CTBP1: variants seen among roughly 807,000 people sequenced by gnomAD.
CTBP1 encodes C-terminal binding protein 1.
A neutral mutation model predicts 42.1 loss-of-function variants in CTBP1; 11 were observed. The ratio of observed to expected loss-of-function variants is 0.26; its 90% CI spans 0.16 to 0.43. The LOEUF is 0.43. CTBP1 is among the 20% of genes least tolerant of loss of function. The probability of loss-of-function intolerance (pLI) is 1.00; values close to 1 mark genes in which losing one functional copy is unlikely to be tolerated. For synonymous variants in CTBP1, 324 were observed against 277.1 expected (o/e 1.17, Z -1.68); for missense variants, 399 against 624.3 (o/e 0.64, Z 3.85).
intron 1 of CTBP1, chr4:1,243,959 T>C (rs929387957): frequency 2.0e-6 from 2 of 985,316 alleles, no homozygotes; most frequent in South Asian, 4.7e-5. Context: ...GAAGTGAGTG[T>C]AGAGCACATG....
chr4:1,212,213 C>T lies in CTBP1; in HGVS notation c.*27G>A, dbSNP rs371763271. The T allele has an allele frequency of 1.2e-5, 17 of 1,413,514 alleles. No individual in the cohort carries two copies. The highest frequency in any genetic ancestry group is 6.0e-5 in the East Asian group (2 of 33,328). The allele number at this position is 1,413,514 out of a possible 1,614,324, so 87.6% of individuals were successfully genotyped here. A position where few individuals can be genotyped will look rare whatever the true frequency, so the allele number is the denominator to read the frequency against. The stretch of plus-strand genomic sequence containing the variant: ...AGGGTTTCCGGGCCCTCTGCCCAGG[C>T]GCCGAGGCTGGAGAGCTCCTCCCGG... On this transcript the variant is annotated 3_prime_UTR_variant, in exon 10 of 10. Transcript: ENST00000382952.
intron 7 of CTBP1, 65 bp from the exon 8 acceptor site, chr4:1,213,670 G>T: frequency 6.4e-7 from 1 of 1,562,604 alleles, no homozygotes. Flanking sequence ...AGGGGAGGTG[G>T]CTGGGCACTG....
At position 1,212,181 on chromosome 4, in the gene CTBP1, TG is replaced by T; in HGVS notation, c.*58del. 1 of 1,348,844 alleles carries T rather than the reference TG, an allele frequency of 7.4e-7. No individual in the cohort carries two copies. The highest frequency in any genetic ancestry group is 9.7e-7 in the Non-Finnish European group (1 of 1,030,684). The allele number at this position is 1,348,844 out of a possible 1,614,324, so 83.6% of individuals were successfully genotyped here. On this transcript the variant is annotated 3_prime_UTR_variant, in exon 10 of 10. Coordinates refer to ENST00000382952, the MANE Select transcript of CTBP1 (RefSeq NM_001012614.2). ...ACACAGATGCCTCCTCCACACACTCTGGTCCGAGGGTTTCCGGGCCCTCTGC... is the reference window on the plus strand; with the variant it reads ...ACACAGATGCCTCCTCCACACACTCTGTCCGAGGGTTTCCGGGCCCTCTGC...
At chr4:1,225,040 C>T (rs536466497) in intron 5 of CTBP1, among the ~76,000 whole-genome samples, 11 of 151,808 alleles carry the variant, frequency 7.2e-5, no homozygotes, top group South Asian at 2.1e-4. Context: ...AGTGCTGTGA[C>T]GTCCGTGTGT....
chr4:1,230,674 G>A lies in CTBP1; in HGVS notation c.163-2331C>T, dbSNP rs532881672. On this transcript the variant is annotated intron_variant, in intron 3 of 9. Transcript: ENST00000382952. ...CAGCCTGCTTTCACCCGGAGCACTG[G>A]CCACGGGCCTCGAAAAGTCGATTCT... 1.3e-3 allele frequency among the ~76,000 whole-genome samples: 198 copies of A among 152,368 alleles called. 1 individual carries two copies. Among genetic ancestry groups the A allele is most frequent in the African/African-American group, 4.6e-3 (193 of 41,580 alleles).
intron 3 of CTBP1, among the ~76,000 whole-genome samples, chr4:1,230,939 C>T (rs1320097848): frequency 1.3e-5 from 2 of 152,256 alleles, no homozygotes; most frequent in South Asian, 2.1e-4. Flanking sequence ...GCCTCCCCGA[C>T]GAGGCTTTCA....
intron 1 of CTBP1, among the ~76,000 whole-genome samples, chr4:1,247,411 A>T (rs1164186385): frequency 6.6e-6 from 1 of 152,082 alleles, no homozygotes; most frequent in African/African-American, 2.4e-5. Context: ...GACAGCCCCA[A>T]CCAGGAGCCA....
At chr4:1,245,078 C>T (rs1357394581) in intron 1 of CTBP1, 1 of 983,978 alleles carries the variant, frequency 1.0e-6, no homozygotes, top group Non-Finnish European at 1.2e-6. Flanking sequence ...CAAGGCCCGT[C>T]ACCCACAGGT....
In CTBP1 at chr4:1,248,888, C is replaced by A. The variant is rs1401460569; in HGVS notation, c.-189+28G>T. 3.2e-6 allele frequency: 3 copies of A among 939,330 alleles called. No individual in the cohort carries two copies. In the Admixed American group the frequency reaches 1.9e-4, roughly 60 times the overall value. The allele number at this position is 939,330 out of a possible 1,614,324, so 58.2% of individuals were successfully genotyped here. A position where few individuals can be genotyped will look rare whatever the true frequency, so the allele number is the denominator to read the frequency against. ...CGCCCCGCCCCGCCCCCGCCCGCGG[C>A]CGGAAACGCGCGCGCGCGCGGCCTT... On this transcript the variant is annotated intron_variant, in intron 1 of 9. Coordinates refer to ENST00000382952, the MANE Select transcript of CTBP1 (RefSeq NM_001012614.2).
chr4:1,245,121 C>G (rs968540188), intron 1 of CTBP1: 1 of 985,446 alleles, frequency 1.0e-6, no homozygotes, highest in Non-Finnish European at 1.2e-6. Context: ...GCACCCCAGA[C>G]AGACACTGCC....
chr4:1,224,320 C>T (rs775005255), intron 5 of CTBP1, among the ~76,000 whole-genome samples: 3 of 151,262 alleles, frequency 2.0e-5, no homozygotes, highest in Admixed American at 6.6e-5. Flanking sequence ...GTGTGTGCTG[C>T]GATGTCCATG....
chr4:1,237,486 G>A lies in CTBP1; in HGVS notation c.162+697C>T. The A allele has an allele frequency of 5.8e-6, 4 of 685,104 alleles. No individual in the cohort carries two copies. The South Asian group carries it at 6.1e-5, about 10-fold the overall frequency. The allele number at this position is 685,104 out of a possible 1,614,324, so 42.4% of individuals were successfully genotyped here. On this transcript the variant is annotated intron_variant, in intron 3 of 9. Transcript: ENST00000382952. ...AACCCGGTGTTCACCTCCTGATGGT[G>A]TGCAGGGAAAACCCCGTGTCCACCT...
At position 1,223,493 on chromosome 4, in the gene CTBP1, G is replaced by A. The variant is rs563639252; in HGVS notation, c.514+1867C>T. ...CAAACGCTGGCGGGACAAGGACAGC[G>A]GTCAGCAGGAGTGGGCTGCCTGGAT... On this transcript the variant is annotated intron_variant, in intron 5 of 9. Transcript: ENST00000382952. 1,132 of 456,138 alleles carry A rather than the reference G, an allele frequency of 2.5e-3. 26 individuals carry two copies. Among genetic ancestry groups the A allele is most frequent in the South Asian group, 0.017 (1,092 of 64,570 alleles). The allele number at this position is 456,138 out of a possible 1,614,324, so 28.3% of individuals were successfully genotyped here.
Position 1,238,284 on chromosome 4 carries a change from A to T in CTBP1, c.61T>A (p.Leu21Met). ...GPLHPRPLVA[L>M]LDGRDCTVEM... ...ACTGTGCAGTCCCGGCCATCCAGCA[A>T]TGCCACCAGGGGCCGCGGGTGCAGG... Residue 21 changes from leucine (L) to methionine (M), a missense_variant, in exon 3 of 10, where the codon TTG becomes ATG. Transcript: ENST00000382952. This position sits in a 1 kb window ranked among gnomAD's most constrained non-coding sequence, Gnocchi z 5.9. The T allele has an allele frequency of 6.2e-7, 1 of 1,600,644 alleles. No homozygotes were observed. Among genetic ancestry groups the T allele is most frequent in the Non-Finnish European group, 8.5e-7 (1 of 1,170,540 alleles).
Position 1,211,865 on chromosome 4 carries a change from C to CA in CTBP1, c.*374dup, listed in dbSNP as rs1234269129. 9.7e-3 allele frequency: 1,093 copies of CA among 112,218 alleles called. 12 individuals are homozygous for CA. Among genetic ancestry groups the CA allele is most frequent in the African/African-American group, 0.028 (769 of 27,502 alleles). The allele number at this position is 112,218 out of a possible 1,614,324, so 7.0% of individuals were successfully genotyped here. A position where few individuals can be genotyped will look rare whatever the true frequency, so the allele number is the denominator to read the frequency against. On this transcript the variant is annotated 3_prime_UTR_variant, in exon 10 of 10. Coordinates refer to ENST00000382952, the MANE Select transcript of CTBP1 (RefSeq NM_001012614.2). Reference sequence around the variant, plus strand: ...TCATTCTGGGGCACGTTCCAACATACAAAAAAAAAAAAAACAAAAAAAAAA... The same window carrying CA: ...TCATTCTGGGGCACGTTCCAACATACAAAAAAAAAAAAAAACAAAAAAAAAA...
At chr4:1,223,120 T>C (rs1729935244) in intron 5 of CTBP1, among the ~76,000 whole-genome samples, 1 of 151,786 alleles carries the variant, frequency 6.6e-6, no homozygotes, top group South Asian at 2.1e-4. Flanking sequence ...AATCTGAAGG[T>C]CCACAGAGCC....
intron 7 of CTBP1, chr4:1,213,834 C>A: frequency 1.8e-6 from 1 of 543,254 alleles, no homozygotes; most frequent in Non-Finnish European, 3.2e-6. Flanking sequence ...GGGATTTAAT[C>A]TCCAAGTCCC....
At chr4:1,244,380 CA>C (rs1395482131) in intron 1 of CTBP1, 2 of 984,720 alleles carry the variant, frequency 2.0e-6, no homozygotes, top group East Asian at 2.3e-4. Flanking sequence ...CAGGAAGTCC[CA>C]GGGGGCACCA....
intron 1 of CTBP1, among the ~76,000 whole-genome samples, chr4:1,247,995 T>C (rs1320164415): frequency 2.6e-5 from 4 of 152,190 alleles, no homozygotes; most frequent in African/African-American, 4.8e-5. Context: ...ACCGGCGCCC[T>C]TGGAGGCCGC....
Sources: gnomAD v4.1 joint callset for allele counts (sites outside exome capture counted in the v4.1 genomes callset) on GRCh38, gnomAD v4.1.1 for gene constraint, Gnocchi (gnomAD v3.1) non-coding constraint, MANE v1.5 for transcripts, NCBI Gene and HGNC (gene_info 2026-07-23, HGNC 2026-07-21) for gene names.